The following NAA40 variants were observed in gnomAD, a reference collection of about 807,000 sequenced individuals.
NAA40 encodes N-alpha-acetyltransferase 40, NatD catalytic subunit, also known as N-alpha-acetyltransferase 40.
In NAA40, 26 loss-of-function variants were observed where a neutral mutation model predicts 36.6. The ratio of observed to expected loss-of-function variants is 0.71; its 90% CI spans 0.52 to 0.98. The LOEUF (loss-of-function observed/expected upper bound fraction) is 0.98. Among genes scored for constraint, NAA40 ranks in the 50% least tolerant of loss-of-function variants. The pLI, the probability that NAA40 is intolerant of heterozygous loss-of-function variation, is 0.00. For synonymous variants in NAA40, 129 were observed against 108.4 expected, an observed-to-expected ratio of 1.19 and a Z score of -1.18; for missense variants, 237 against 306.5, an observed-to-expected ratio of 0.77 and a Z score of 1.69.
chr11:63,941,556 T>TTTC (rs1186194157), intron 1 of NAA40, among the ~76,000 whole-genome samples: 1 of 150,474 alleles, frequency 6.6e-6, no homozygotes, highest in Non-Finnish European at 1.5e-5. Flanking sequence ...TTTCTTTTCT[T>TTTC]TTCCTTTTTT....
At chr11:63,939,953 C>T (rs906461761) in intron 1 of NAA40, among the ~76,000 whole-genome samples, 1 of 150,970 alleles carries the variant, frequency 6.6e-6, no homozygotes, top group African/African-American at 2.4e-5. Context: ...TTGCAAGTTT[C>T]TGTGCGTTCA....
chr11:63,945,878 G>A lies in NAA40; in HGVS notation c.45G>A (p.Arg15=). ...AAGCCAAGGAGAAGAAGCAGAAGCGGTTGGAGGAGCGAGCAGCCATGGATG... is the reference window on the plus strand; with the variant it reads ...AAGCCAAGGAGAAGAAGCAGAAGCGATTGGAGGAGCGAGCAGCCATGGATG... The part of the protein sequence containing the change: ...SSKAKEKKQK[R]LEERAAMDAV... Residue 15 remains arginine (R), a synonymous_variant, in exon 2 of 8, where the codon CGG becomes CGA. Transcript: ENST00000377793. 2 of 1,614,214 alleles carry A rather than the reference G, an allele frequency of 1.2e-6. No individual in the cohort carries two copies. Among genetic ancestry groups the A allele is most frequent in the South Asian group, 2.2e-5 (2 of 91,080 alleles).
chr11:63,952,048 G>A, intron 3 of NAA40, 190 bp from the exon 4 acceptor site: 1 of 556,182 alleles, frequency 1.8e-6, no homozygotes, highest in South Asian at 2.7e-5. Context: ...TGTGGCCACA[G>A]TTGTTAATCT....
At chr11:63,950,113 G>A (rs900076470) in intron 3 of NAA40, among the ~76,000 whole-genome samples, 1 of 103,998 alleles carries the variant, frequency 9.6e-6, no homozygotes, top group African/African-American at 4.7e-5. Flanking sequence ...CTGGTATGAG[G>A]TTTTTTTTGT....
chr11:63,945,968 C>T (rs187173637), intron 2 of NAA40, 33 bp downstream of exon 2: 42 of 1,582,656 alleles, frequency 2.7e-5, no homozygotes, highest in Middle Eastern at 1.7e-4. Context: ...TCCCTGCCTC[C>T]TGGGACTTCA....
intron 3 of NAA40, among the ~76,000 whole-genome samples, chr11:63,947,823 A>G (rs1243452012): frequency 6.7e-6 from 1 of 150,310 alleles, no homozygotes; most frequent in Non-Finnish European, 1.5e-5. Context: ...GCCAGGTTCA[A>G]GTAATTCTCT....
intron 2 of NAA40, chr11:63,946,687 T>C: frequency 6.8e-7 from 1 of 1,472,346 alleles, no homozygotes; most frequent in Non-Finnish European, 9.0e-7. Context: ...GCAGGTTGTA[T>C]GCCCACAGGC....
intron 1 of NAA40, chr11:63,939,399 G>A (rs1166932743): frequency 5.9e-6 from 7 of 1,191,526 alleles, no homozygotes; most frequent in Non-Finnish European, 7.3e-6. Context: ...CCCCCGCGGG[G>A]ACCCTGGGGT....
intron 1 of NAA40, among the ~76,000 whole-genome samples, chr11:63,941,632 A>C (rs955475757): frequency 6.6e-6 from 1 of 151,974 alleles, no homozygotes. Flanking sequence ...AGCTCACTGC[A>C]ATCTCTGCCT....
intron 2 of NAA40, chr11:63,946,566 C>T (rs1942190385): frequency 1.7e-6 from 2 of 1,203,540 alleles, no homozygotes; most frequent in South Asian, 3.4e-5. Context: ...AGTAAACACT[C>T]ATTTATAAGG....
intron 1 of NAA40, among the ~76,000 whole-genome samples, chr11:63,943,066 G>A (rs1485679499): frequency 6.6e-6 from 1 of 152,192 alleles, no homozygotes; most frequent in Non-Finnish European, 1.5e-5. Flanking sequence ...CATGTAGGGT[G>A]GAGTAAGGGA....
At chr11:63,941,247 C>T (rs1236588612) in intron 1 of NAA40, among the ~76,000 whole-genome samples, 1 of 152,168 alleles carries the variant, frequency 6.6e-6, no homozygotes, top group Non-Finnish European at 1.5e-5. Flanking sequence ...ACCCTCATTC[C>T]ACAACTGTGG....
At chr11:63,944,300 C>G (rs139290719) in intron 1 of NAA40, among the ~76,000 whole-genome samples, 1 of 152,138 alleles carries the variant, frequency 6.6e-6, no homozygotes, top group East Asian at 1.9e-4. Flanking sequence ...TGGGAGTTGT[C>G]AAACCTCTCC....
rs1942297139 is a variant in NAA40, at chr11:63,952,541, A to G, written c.386A>G (p.Glu129Gly). Reference sequence around the variant, plus strand: ...TTTTCTCACTTCCGGTTTGACGTGGAGTGTGGGGATGAAGTCCTGTACTGG... The same window carrying G: ...TTTTCTCACTTCCGGTTTGACGTGGGGTGTGGGGATGAAGTCCTGTACTGG... ...VAFSHFRFDV[E>G]CGDEVLYCYE... Residue 129 changes from glutamate to glycine, a missense_variant, in exon 5 of 8, where the codon GAG becomes GGG. Coordinates refer to ENST00000377793, the MANE Select transcript of NAA40 (RefSeq NM_024771.4). 6.2e-7 allele frequency: 1 copy of G among 1,613,918 alleles called. No homozygotes were observed. The highest frequency in any genetic ancestry group is 8.5e-7 in the Non-Finnish European group (1 of 1,179,986).
At chr11:63,949,047 A>G (rs9888177) in intron 3 of NAA40, among the ~76,000 whole-genome samples, 8,759 of 152,136 alleles carry the variant, frequency 0.058, 852 homozygotes, top group African/African-American at 0.2. Context: ...TTAGCTGGGC[A>G]TGGTGGCACA....
At chr11:63,950,363 C>A (rs1639055442) in intron 3 of NAA40, among the ~76,000 whole-genome samples, 1 of 152,170 alleles carries the variant, frequency 6.6e-6, no homozygotes, top group South Asian at 2.1e-4. Flanking sequence ...AGGTGATCCA[C>A]CTGCCTCAAC....
At chr11:63,952,630 C>T in intron 5 of NAA40, 65 bp downstream of exon 5, 2 of 1,606,004 alleles carry the variant, frequency 1.2e-6, no homozygotes, top group Non-Finnish European at 1.7e-6. Flanking sequence ...GCACTCCAGC[C>T]AGGTGACAAA....
intron 6 of NAA40, among the ~76,000 whole-genome samples, chr11:63,953,712 C>G (rs1453724310): frequency 6.6e-6 from 1 of 152,244 alleles, no homozygotes; most frequent in Non-Finnish European, 1.5e-5. Context: ...CTCTACCTCC[C>G]AGGCTCAAGT....
At position 63,939,057 on chromosome 11, in the gene NAA40, C is replaced by T; in HGVS notation, c.-40C>T. The T allele has an allele frequency of 6.2e-7, 1 of 1,602,594 alleles. No homozygotes were observed. Among genetic ancestry groups the T allele is most frequent in the African/African-American group, 1.4e-5 (1 of 72,926 alleles). ...ACCGCCGTTGCCGCCTCCCTGCCGG[C>T]AAGTGTGTGAAGAAGAAGCTGAGCG... On this transcript the variant is annotated 5_prime_UTR_variant, in exon 1 of 8. Coordinates refer to ENST00000377793, the MANE Select transcript of NAA40 (RefSeq NM_024771.4).
Sources: allele counts gnomAD v4.1 joint callset (sites outside exome capture counted in the v4.1 genomes callset), GRCh38; gene constraint gnomAD v4.1.1; transcripts MANE v1.5; gene names NCBI Gene and HGNC (gene_info 2026-07-23, HGNC 2026-07-21).